The following ZMIZ2 variants were observed in gnomAD, a reference collection of about 807,000 sequenced individuals.
ZMIZ2 encodes the protein zinc finger MIZ-type containing 2.
A neutral mutation model predicts 93.9 loss-of-function variants in ZMIZ2; 26 were observed. The ratio of observed to expected loss-of-function variants is 0.28; its 90% CI spans 0.20 to 0.38. The LOEUF (loss-of-function observed/expected upper bound fraction) is 0.38, where lower values mean the gene tolerates loss of function less well. Ranked by LOEUF, ZMIZ2 falls within the 10% of genes least tolerant of loss-of-function variation. The pLI, the probability that ZMIZ2 is intolerant of heterozygous loss-of-function variation, is 1.00. For missense variants in ZMIZ2, 1,023 were observed against 1,235.0 expected (o/e 0.83, Z 2.57); for synonymous variants, 485 against 516.4 (o/e 0.94, Z 0.82).
Position 44,766,636 on chromosome 7 carries a change from C to T in ZMIZ2, c.2628C>T (p.Ala876=), listed in dbSNP as rs772581429. The change falls in exon 18 of 19, where the codon GCC becomes GCT. Residue 876 remains alanine (A), a synonymous_variant. Coordinates refer to ENST00000309315, the MANE Select transcript of ZMIZ2 (RefSeq NM_031449.4). The surrounding 1 kb of genome is among the most constrained non-coding windows in gnomAD (Gnocchi z 4.4). The part of the protein sequence containing the change: ...GVMGPPSMSG[A]GEAPEPALDL... The stretch of plus-strand genomic sequence containing the variant: ...TGGGGCCCCCCAGCATGTCTGGAGC[C>T]GGGGAGGCCCCAGAACCAGCTCTGG... 64 of 1,613,140 alleles carry T rather than the reference C, an allele frequency of 4.0e-5. No homozygotes were observed. Among genetic ancestry groups the T allele is most frequent in the East Asian group, 3.3e-4 (15 of 44,874 alleles).
chr7:44,751,322 T>C (rs55705735), intron 1 of ZMIZ2, among the ~76,000 whole-genome samples: 14,523 of 152,340 alleles, frequency 0.095, 904 homozygotes, highest in Admixed American at 0.15. Context: ...TTAGAAATTC[T>C]GGGCTTAGGC....
intron 14 of ZMIZ2, 132 bp downstream of exon 14, chr7:44,764,618 C>A: frequency 9.7e-7 from 1 of 1,026,014 alleles, no homozygotes; most frequent in Non-Finnish European, 1.4e-6. Context: ...TGGGGTTGTG[C>A]AGCTCAGCGC....
rs904496108 is a variant in ZMIZ2, at chr7:44,763,717, A to G, written c.1860+304A>G. The G allele has an allele frequency of 5.4e-4, 192 of 354,304 alleles. 2 individuals carry two copies. The highest frequency in any genetic ancestry group is 1.0e-4 in the Non-Finnish European group (20 of 192,970). 21.9% of individuals were successfully genotyped at this position (354,304 alleles called of 1,614,324 possible). A position where few individuals can be genotyped will look rare whatever the true frequency, so the allele number is the denominator to read the frequency against. On this transcript the variant is annotated intron_variant, in intron 13 of 18. Transcript: ENST00000309315. The surrounding 1 kb of genome is among the most constrained non-coding windows in gnomAD (Gnocchi z 5.6). ...TCCTGCCCTACCCCCAAGGGTGACCATCGTTAGCATCTGTCTTTGCAGAAA... is the reference window on the plus strand; with the variant it reads ...TCCTGCCCTACCCCCAAGGGTGACCGTCGTTAGCATCTGTCTTTGCAGAAA...
At chr7:44,759,560 T>G in intron 7 of ZMIZ2, 100 bp downstream of exon 7, 1 of 932,084 alleles carries the variant, frequency 1.1e-6, no homozygotes, top group East Asian at 8.9e-5. Context: ...ACAGGGTGGC[T>G]AAAGGGGCCA....
At position 44,769,164 on chromosome 7, in the gene ZMIZ2, A is replaced by G. The variant is rs552275056; in HGVS notation, c.*1541A>G. The G allele has an allele frequency of 1.0e-4, 16 of 152,822 alleles. No homozygotes were observed. Among genetic ancestry groups the G allele is most frequent in the African/African-American group, 3.9e-4 (16 of 41,542 alleles). The allele number at this position is 152,822 out of a possible 1,614,324, so 9.5% of individuals were successfully genotyped here. On this transcript the variant is annotated 3_prime_UTR_variant, in exon 19 of 19. Transcript: ENST00000309315. ...GTCCAGCTTGGTGGGGGTCCGGGTC[A>G]CCATTTCCTCCAGTCCTGGGCCCCA...
chr7:44,764,405 C>T lies in ZMIZ2; in HGVS notation c.1861-14C>T. 6.2e-7 allele frequency: 1 copy of T among 1,613,650 alleles called. No homozygotes were observed. The highest frequency in any genetic ancestry group is 1.1e-5 in the South Asian group (1 of 90,998). On this transcript the variant is annotated splice_polypyrimidine_tract_variant and intron_variant, in intron 13 of 18. Coordinates refer to ENST00000309315, the MANE Select transcript of ZMIZ2 (RefSeq NM_031449.4). ...CCACAATGAGAAACTGACTTTCTTC[C>T]CATCTCTCTACAGTGCTTTGACCTG... is the stretch of plus-strand genomic sequence containing the variant.
intron 11 of ZMIZ2, among the ~76,000 whole-genome samples, chr7:44,762,259 C>T (rs902692172): frequency 1.3e-5 from 2 of 152,140 alleles, no homozygotes; most frequent in African/African-American, 4.8e-5. Context: ...AGTAATATAC[C>T]CTAGCTGTTT....
intron 1 of ZMIZ2, among the ~76,000 whole-genome samples, chr7:44,750,401 T>C: frequency 6.6e-6 from 1 of 152,168 alleles, no homozygotes; most frequent in East Asian, 1.9e-4. Context: ...AGTACCCCAC[T>C]TTTTGCTACC....
Position 44,760,422 on chromosome 7 carries a change from C to T in ZMIZ2, c.1072-3C>T. The T allele has an allele frequency of 1.2e-6, 2 of 1,613,712 alleles. No homozygotes were observed. Among genetic ancestry groups the T allele is most frequent in the Non-Finnish European group, 1.7e-6 (2 of 1,179,768 alleles). ...CCTTGACTGTTTGTGCTCAACCCTA[C>T]AGCCTACCCGTTCCATCCCGGGCTA... On this transcript the variant is annotated splice_polypyrimidine_tract_variant and splice_region_variant and intron_variant, in intron 8 of 18. Coordinates refer to ENST00000309315, the MANE Select transcript of ZMIZ2 (RefSeq NM_031449.4).
At chr7:44,752,686 A>G (rs1790259347) in intron 1 of ZMIZ2, among the ~76,000 whole-genome samples, 1 of 152,198 alleles carries the variant, frequency 6.6e-6, no homozygotes, top group African/African-American at 2.4e-5. Flanking sequence ...TGTTGCATAT[A>G]TCAGTAGTTC....
chr7:44,760,699 G>C, intron 9 of ZMIZ2, 106 bp downstream of exon 9: 24 of 1,391,888 alleles, frequency 1.7e-5, no homozygotes, highest in Non-Finnish European at 3.9e-6. Context: ...ACAGGGGATG[G>C]CTGCCATATC....
At chr7:44,756,156 G>A (rs1790568888) in intron 1 of ZMIZ2, 32 bp from the exon 2 acceptor site, 4 of 1,574,770 alleles carry the variant, frequency 2.5e-6, no homozygotes, top group Non-Finnish European at 3.5e-6. Context: ...TGGCTGCATC[G>A]CAGCTAACAT....
In ZMIZ2 at chr7:44,748,883, G is replaced by T. The variant is rs1789865847; in HGVS notation, c.-171G>T. Reference sequence around the variant, plus strand: ...GGAGCGGGCGGCGGCGCGATGGCGCGGGTGGCGGCGGCCCCGGGGCGGCGG... The same window carrying T: ...GGAGCGGGCGGCGGCGCGATGGCGCTGGTGGCGGCGGCCCCGGGGCGGCGG... On this transcript the variant is annotated 5_prime_UTR_variant, in exon 1 of 19. Coordinates refer to ENST00000309315, the MANE Select transcript of ZMIZ2 (RefSeq NM_031449.4). 1 of 147,972 alleles carries T rather than the reference G, an allele frequency of 6.8e-6. No homozygotes were observed. The highest frequency in any genetic ancestry group is 2.4e-5 in the African/African-American group (1 of 40,888). 9.2% of individuals were successfully genotyped at this position (147,972 alleles called of 1,614,324 possible).
chr7:44,763,195 C>T lies in ZMIZ2; in HGVS notation c.1703-61C>T, dbSNP rs1417266035. The T allele has an allele frequency of 1.3e-6, 2 of 1,586,906 alleles. No individual in the cohort carries two copies. On this transcript the variant is annotated intron_variant, in intron 12 of 18. Coordinates refer to ENST00000309315, the MANE Select transcript of ZMIZ2 (RefSeq NM_031449.4). The surrounding 1 kb of genome is among the most constrained non-coding windows in gnomAD (Gnocchi z 5.6). ...CTGGGTCCCTGCCTCGTTGGCATCCCCATTCACACCTCCCCATCTTGGGGA... is the reference window on the plus strand; with the variant it reads ...CTGGGTCCCTGCCTCGTTGGCATCCTCATTCACACCTCCCCATCTTGGGGA...
At position 44,763,174 on chromosome 7, in the gene ZMIZ2, G is replaced by C. The variant is rs1182687922; in HGVS notation, c.1703-82G>C. Reference sequence around the variant, plus strand: ...GAGCTGTCAGTGGGTCAGTGACTGGGTCCCTGCCTCGTTGGCATCCCCATT... The same window carrying C: ...GAGCTGTCAGTGGGTCAGTGACTGGCTCCCTGCCTCGTTGGCATCCCCATT... On this transcript the variant is annotated intron_variant, in intron 12 of 18. Coordinates refer to ENST00000309315, the MANE Select transcript of ZMIZ2 (RefSeq NM_031449.4). This position sits in a 1 kb window ranked among gnomAD's most constrained non-coding sequence, Gnocchi z 5.6. 5.1e-6 allele frequency: 8 copies of C among 1,566,462 alleles called. No homozygotes were observed. Among genetic ancestry groups the C allele is most frequent in the Non-Finnish European group, 6.1e-6 (7 of 1,151,420 alleles).
chr7:44,763,163 T>G lies in ZMIZ2; in HGVS notation c.1703-93T>G. The G allele has an allele frequency of 6.4e-7, 1 of 1,550,512 alleles. No individual in the cohort carries two copies. Among genetic ancestry groups the G allele is most frequent in the East Asian group, 2.3e-5 (1 of 44,298 alleles). On this transcript the variant is annotated intron_variant, in intron 12 of 18. Coordinates refer to ENST00000309315, the MANE Select transcript of ZMIZ2 (RefSeq NM_031449.4). The surrounding 1 kb of genome is among the most constrained non-coding windows in gnomAD (Gnocchi z 5.6). ...GTGGCCCCTCAGAGCTGTCAGTGGG[T>G]CAGTGACTGGGTCCCTGCCTCGTTG...
At chr7:44,749,361 C>G (rs928274266) in intron 1 of ZMIZ2, among the ~76,000 whole-genome samples, 1 of 152,174 alleles carries the variant, frequency 6.6e-6, no homozygotes, top group African/African-American at 2.4e-5. Flanking sequence ...TTCGCTCCAA[C>G]CTGATCGTTC....
At position 44,766,096 on chromosome 7, in the gene ZMIZ2, C is replaced by T. The variant is rs759557431; in HGVS notation, c.2243-68C>T. ...TCCCACCCATGCCACAGCCAGCCTC[C>T]CTCCTGGCTCCTCTGCCAGCGGTGG... On this transcript the variant is annotated intron_variant, in intron 16 of 18. Coordinates refer to ENST00000309315, the MANE Select transcript of ZMIZ2 (RefSeq NM_031449.4). The surrounding 1 kb of genome is among the most constrained non-coding windows in gnomAD (Gnocchi z 4.4). The T allele has an allele frequency of 6.0e-6, 9 of 1,510,560 alleles. No individual in the cohort carries two copies. The highest frequency in any genetic ancestry group is 2.2e-5 in the Admixed American group (1 of 44,576). The allele number at this position is 1,510,560 out of a possible 1,614,324, so 93.6% of individuals were successfully genotyped here.
At chr7:44,749,472 C>T (rs997581402) in intron 1 of ZMIZ2, among the ~76,000 whole-genome samples, 4 of 152,244 alleles carry the variant, frequency 2.6e-5, no homozygotes, top group African/African-American at 9.6e-5. Context: ...GAGGCCGTCA[C>T]CTGCTCGCGG....
Sources: gnomAD v4.1 joint callset for allele counts (sites outside exome capture counted in the v4.1 genomes callset) on GRCh38, gnomAD v4.1.1 for gene constraint, Gnocchi (gnomAD v3.1) non-coding constraint, MANE v1.5 for transcripts, NCBI Gene and HGNC (gene_info 2026-07-23, HGNC 2026-07-21) for gene names.